Variants in ERC1 observed in about 807,000 individuals in gnomAD.
ERC1 encodes RAB6 interacting protein 2.
In ERC1, 56 loss-of-function variants were observed where a neutral mutation model predicts 132.0. The ratio of observed to expected loss-of-function variants is 0.42; its 90% CI spans 0.34 to 0.53. The LOEUF is 0.53. Ranked by LOEUF, ERC1 falls within the 20% of genes least tolerant of loss-of-function variation. ERC1 has a pLI of 0.03. For missense variants in ERC1, 1,202 were observed against 1,349.9 expected, an observed-to-expected ratio of 0.89 and a Z score of 1.72; for synonymous variants, 478 against 476.1, an observed-to-expected ratio of 1.00 and a Z score of -0.05.
At chr12:1,332,302 T>C (rs542629805) in intron 15 of ERC1, among the ~76,000 whole-genome samples, 1 of 152,368 alleles carries the variant, frequency 6.6e-6, no homozygotes, top group Admixed American at 6.5e-5. Flanking sequence ...TTTAGCGTCT[T>C]CTTGGATTTC....
rs35010065 is a variant in ERC1, at chr12:1,404,384, C to CAA, written c.2926-3752_2926-3751dup. Among the ~76,000 whole-genome samples the CAA allele has an allele frequency of 1.6e-3, 197 of 124,144 alleles. No homozygotes were observed. In the Middle Eastern group the frequency reaches 0.021, roughly 13 times the overall value. The allele number at this position is 124,144 out of a possible 152,430, so 81.4% of individuals were successfully genotyped here. On this transcript the variant is annotated intron_variant, in intron 16 of 18. Coordinates refer to ENST00000360905, the MANE Select transcript of ERC1 (RefSeq NM_178040.4). The stretch of plus-strand genomic sequence containing the variant: ...TAATCCTTTGAACAACTACTGTTTG[C>CAA]AAAAAAAAAAAAAAGTATGTTATTT...
intron 12 of ERC1, among the ~76,000 whole-genome samples, chr12:1,199,339 C>A (rs1050363978): frequency 6.6e-6 from 1 of 152,230 alleles, no homozygotes; most frequent in African/African-American, 2.4e-5. Context: ...TGTCACTCAT[C>A]TGGAACTATT....
At chr12:1,104,564 A>C (rs974741028) in intron 3 of ERC1, among the ~76,000 whole-genome samples, 186 bp from the exon 4 acceptor site, 3 of 152,184 alleles carry the variant, frequency 2.0e-5, no homozygotes, top group African/African-American at 7.2e-5. Context: ...CTATGCCTGC[A>C]TGGTTGAGTG....
intron 13 of ERC1, among the ~76,000 whole-genome samples, chr12:1,256,983 C>A (rs1311234874): frequency 6.6e-6 from 1 of 150,750 alleles, no homozygotes; most frequent in African/African-American, 2.5e-5. Flanking sequence ...GTCATCCTTA[C>A]CTCCTGGCGT....
intron 18 of ERC1, chr12:1,480,700 C>T: frequency 3.7e-6 from 2 of 536,998 alleles, no homozygotes; most frequent in East Asian, 5.7e-5. Context: ...AGGGGCCTGC[C>T]TTGAGGAGGT....
At chr12:1,217,383 G>A (rs112407608) in intron 12 of ERC1, among the ~76,000 whole-genome samples, 1 of 152,150 alleles carries the variant, frequency 6.6e-6, no homozygotes, top group Non-Finnish European at 1.5e-5. Flanking sequence ...TTTGGGAAAT[G>A]GACAATGACT....
intron 15 of ERC1, among the ~76,000 whole-genome samples, chr12:1,367,936 C>T (rs1393047302): frequency 7.1e-6 from 1 of 140,306 alleles, no homozygotes; most frequent in African/African-American, 2.7e-5. Context: ...TGAAAGGTTT[C>T]GTGTCCACAT....
intron 15 of ERC1, among the ~76,000 whole-genome samples, chr12:1,311,262 A>G (rs1204549454): frequency 6.6e-6 from 1 of 152,200 alleles, no homozygotes; most frequent in Non-Finnish European, 1.5e-5. Context: ...CGTAAAACAG[A>G]CAAAACTACT....
intron 11 of ERC1, among the ~76,000 whole-genome samples, chr12:1,184,621 A>G (rs1954864351): frequency 6.6e-6 from 1 of 152,216 alleles, no homozygotes; most frequent in African/African-American, 2.4e-5. Context: ...TTTTTGACCT[A>G]TTTATAGCTT....
intron 18 of ERC1, among the ~76,000 whole-genome samples, chr12:1,469,150 T>C (rs1369311120): frequency 6.6e-6 from 1 of 152,184 alleles, no homozygotes; most frequent in African/African-American, 2.4e-5. Flanking sequence ...ACTAACAATA[T>C]CTTATTAAGA....
intron 8 of ERC1, among the ~76,000 whole-genome samples, chr12:1,158,549 C>A (rs952252625): frequency 6.6e-6 from 1 of 151,742 alleles, no homozygotes; most frequent in Non-Finnish European, 1.5e-5. Context: ...CCTGCCTCAG[C>A]CTCCCAGGTA....
rs115599705 is a variant in ERC1, at chr12:1,081,592, C to T, written c.670-1572C>T. Among the ~76,000 whole-genome samples the T allele has an allele frequency of 7.4e-3, 1,122 of 152,284 alleles. 14 individuals carry two copies. The highest frequency in any genetic ancestry group is 0.025 in the African/African-American group (1,026 of 41,538). ...ATCTTGGACAAGTGCTTAAACCTCT[C>T]TAAGCCTCGTGCCCTCATTTATAAA... is the stretch of plus-strand genomic sequence containing the variant. On this transcript the variant is annotated intron_variant, in intron 2 of 18. Transcript: ENST00000360905.
intron 2 of ERC1, among the ~76,000 whole-genome samples, chr12:1,065,265 T>C (rs1250868122): frequency 6.6e-6 from 1 of 152,204 alleles, no homozygotes; most frequent in African/African-American, 2.4e-5. Context: ...CCTCCCAAAG[T>C]GCTGGGATTA....
intron 12 of ERC1, among the ~76,000 whole-genome samples, chr12:1,230,916 C>T (rs1464278765): frequency 2.0e-5 from 3 of 152,034 alleles, no homozygotes; most frequent in Non-Finnish European, 4.4e-5. Flanking sequence ...CATGGAATAT[C>T]TTTTTCTATC....
At chr12:1,059,354 G>A (rs567072338) in intron 2 of ERC1, among the ~76,000 whole-genome samples, 1 of 152,218 alleles carries the variant, frequency 6.6e-6, no homozygotes, top group African/African-American at 2.4e-5. Flanking sequence ...GCTCTGGCTG[G>A]GACTTCCAGT....
intron 1 of ERC1, among the ~76,000 whole-genome samples, chr12:1,018,948 A>G (rs1965927847): frequency 6.6e-6 from 1 of 152,190 alleles, no homozygotes; most frequent in Non-Finnish European, 1.5e-5. Context: ...GTAGTTAGCC[A>G]GTTGATGGGG....
At chr12:1,134,785 A>G (rs1406417248) in intron 7 of ERC1, among the ~76,000 whole-genome samples, 2 of 149,824 alleles carry the variant, frequency 1.3e-5, no homozygotes, top group Middle Eastern at 3.4e-3. Context: ...CTGGAGTGCA[A>G]TGGCGTGATC....
At chr12:1,051,003 C>CAA (rs547044306) in intron 2 of ERC1, among the ~76,000 whole-genome samples, 1 of 146,996 alleles carries the variant, frequency 6.8e-6, no homozygotes, top group African/African-American at 2.5e-5. Flanking sequence ...GACTCAGTCT[C>CAA]AAAAAAAAAA....
At chr12:1,137,588 G>A (rs933669726) in intron 7 of ERC1, among the ~76,000 whole-genome samples, 6 of 151,798 alleles carry the variant, frequency 4.0e-5, no homozygotes, top group Admixed American at 6.6e-5. Context: ...GGTGGCTCAC[G>A]CCTGTAACCC....
Sources: allele counts gnomAD v4.1 joint callset (sites outside exome capture counted in the v4.1 genomes callset), GRCh38; gene constraint gnomAD v4.1.1; transcripts MANE v1.5; gene names NCBI Gene and HGNC (gene_info 2026-07-23, HGNC 2026-07-21).